Variants in SPOCD1 observed in about 807,000 individuals in gnomAD.
SPOCD1 encodes SPOC domain containing 1.
A neutral mutation model predicts 92.2 loss-of-function variants in SPOCD1; 64 were observed. That is an observed-to-expected ratio of 0.69 (90% CI 0.57 to 0.86). The LOEUF (loss-of-function observed/expected upper bound fraction) is 0.86. Among genes scored for constraint, SPOCD1 ranks in the 40% least tolerant of loss-of-function variants. The pLI, the probability that SPOCD1 is intolerant of heterozygous loss-of-function variation, is 0.00. For synonymous variants in SPOCD1, 578 were observed against 619.3 expected (o/e 0.93, Z 0.99); for missense variants, 1,360 against 1,543.1 (o/e 0.88, Z 1.99).
At chr1:31,799,103 G>A (rs148857094) in intron 7 of SPOCD1, among the ~76,000 whole-genome samples, 6 of 152,264 alleles carry the variant, frequency 3.9e-5, no homozygotes, top group Non-Finnish European at 8.8e-5. Context: ...TCTCTGAGCC[G>A]CTCCCAGCAC....
chr1:31,814,190 CA>C lies in SPOCD1; in HGVS notation c.1143del (p.Ala382ProfsTer44), dbSNP rs770365422. The C allele has an allele frequency of 6.4e-7, 1 of 1,571,432 alleles. No homozygotes were observed. Among genetic ancestry groups the C allele is most frequent in the Non-Finnish European group, 8.6e-7 (1 of 1,156,868 alleles). On this transcript the variant is annotated frameshift_variant, in exon 2 of 16. Transcript: ENST00000360482. LOFTEE classifies it high-confidence loss of function. This position sits in a 1 kb window ranked among gnomAD's most constrained non-coding sequence, Gnocchi z 4.2. ...ASRGRLEQGLAAPADTCASSR... is the reference protein window; with the variant it reads ...ASRGRLEQGLXAPADTCASSR... ...GAGCTGGCACAGGTGTCAGCGGGGG[CA>C]GCGAGTCCTTGCTCCAGCCTTCCCC...
chr1:31,808,157 C>T (rs914324733), intron 2 of SPOCD1, among the ~76,000 whole-genome samples: 1 of 151,844 alleles, frequency 6.6e-6, no homozygotes, highest in African/African-American at 2.4e-5. Flanking sequence ...CTAGCAAAAC[C>T]CTGATACCAA....
chr1:31,800,069 T>C lies in SPOCD1; in HGVS notation c.1675A>G (p.Arg559Gly). Residue 559 changes from arginine (R) to glycine (G), a missense_variant, in exon 5 of 16, where the codon AGA (arginine) becomes GGA (glycine). By Grantham distance (125) the Arg-to-Gly change is moderately radical. Coordinates refer to ENST00000360482, the MANE Select transcript of SPOCD1 (RefSeq NM_144569.7). ...GGLSDPFYPP[R>G]SGSLALGDPS... ...TCGCCAAGGGCCAGGGAACCGCTTC[T>C]TGGAGGGTAGAAGGGGTCAGAGAGG... 3.1e-6 allele frequency: 5 copies of C among 1,609,186 alleles called. No homozygotes were observed. Among genetic ancestry groups the C allele is most frequent in the Non-Finnish European group, 4.2e-6 (5 of 1,178,550 alleles).
At position 31,814,061 on chromosome 1, in the gene SPOCD1, G is replaced by A. The variant is rs749494518; in HGVS notation, c.1273C>T (p.Leu425=). 40 of 1,613,610 alleles carry A rather than the reference G, an allele frequency of 2.5e-5. No homozygotes were observed. Among genetic ancestry groups the A allele is most frequent in the Non-Finnish European group, 1.7e-6 (2 of 1,179,808 alleles). ...EQRRSKGTKN[L]KKGPVPCAQD... ...GCACAGGGCACTGGACCTTTCTTCA[G>A]GTTCTTAGTGCCCTTGGATCTTCTC... The change falls in exon 2 of 16, where the codon CTG becomes TTG. Residue 425 remains leucine, a synonymous_variant. Transcript: ENST00000360482. This position sits in a 1 kb window ranked among gnomAD's most constrained non-coding sequence, Gnocchi z 4.2.
rs555801507 is a variant in SPOCD1 at position 31,807,921 on chromosome 1, C to T, written c.1383+6030G>A. On this transcript the variant is annotated intron_variant, in intron 2 of 15. Coordinates refer to ENST00000360482, the MANE Select transcript of SPOCD1 (RefSeq NM_144569.7). ...CAAATAGATATCTAGAAAAGTATAA[C>T]TTACCAAAATTGATTCAAGAGAAAA... Among the ~76,000 whole-genome samples, 28 of 152,214 alleles carry T rather than the reference C, an allele frequency of 1.8e-4. No homozygotes were observed. The South Asian group carries it at 5.4e-3, about 29-fold the overall frequency.
chr1:31,804,697 T>C (rs1648695346), intron 2 of SPOCD1, among the ~76,000 whole-genome samples: 1 of 152,092 alleles, frequency 6.6e-6, no homozygotes, highest in African/African-American at 2.4e-5. Flanking sequence ...ATAGATAAGA[T>C]GAAAGGAAGA....
Position 31,797,191 on chromosome 1 carries a change from G to T in SPOCD1, c.2146-476C>A, listed in dbSNP as rs577891553. Among the ~76,000 whole-genome samples the T allele has an allele frequency of 4.6e-5, 7 of 152,326 alleles. No homozygotes were observed. The East Asian group carries it at 1.3e-3, about 29-fold the overall frequency. The stretch of plus-strand genomic sequence containing the variant: ...TATAGAGTGCTTAGCCTGGAACATG[G>T]CTCATAGTAAATGCTAGTTGTGAGT... On this transcript the variant is annotated intron_variant, in intron 9 of 15. Transcript: ENST00000360482.
In SPOCD1 at chr1:31,792,761, G is replaced by A; in HGVS notation, c.2692C>T (p.Pro898Ser). Residue 898 changes from proline to serine, a missense_variant, in exon 14 of 16, where the codon CCC becomes TCC. Physicochemically the swap from Pro to Ser is moderately conservative, Grantham distance 74. This residue lies in a region of SPOCD1 where 614 missense variants were observed against 757.8 expected (regional missense o/e 0.81). Transcript: ENST00000360482. ...CAGCCTGCCGAGCGGATCACGGTGGGCAGAGCCTAGGGGCAGGAAGGATGG... is the reference window on the plus strand; with the variant it reads ...CAGCCTGCCGAGCGGATCACGGTGGACAGAGCCTAGGGGCAGGAAGGATGG... Reference protein sequence around the residue: ...GHSCRLVQALPTVIRSAGCIP... With the variant: ...GHSCRLVQALSTVIRSAGCIP... 1 of 1,602,768 alleles carries A rather than the reference G, an allele frequency of 6.2e-7. No homozygotes were observed. Among genetic ancestry groups the A allele is most frequent in the Non-Finnish European group, 8.5e-7 (1 of 1,175,178 alleles).
At chr1:31,807,745 T>C (rs547886211) in intron 2 of SPOCD1, among the ~76,000 whole-genome samples, 7 of 151,866 alleles carry the variant, frequency 4.6e-5, no homozygotes, top group Non-Finnish European at 1.0e-4. Context: ...AAACTGACAA[T>C]TGTCTGACAA....
chr1:31,795,547 TG>T (rs1158735693), intron 10 of SPOCD1: 2 of 148,866 alleles, frequency 1.3e-5, no homozygotes, highest in African/African-American at 4.9e-5. Flanking sequence ...TCTTCCTCTC[TG>T]GGGCTATCTA....
At chr1:31,802,065 G>A (rs1648506475) in intron 2 of SPOCD1, among the ~76,000 whole-genome samples, 1 of 152,176 alleles carries the variant, frequency 6.6e-6, no homozygotes, top group African/African-American at 2.4e-5. Flanking sequence ...CTACTCGGGA[G>A]GCTGAGGCAG....
intron 2 of SPOCD1, among the ~76,000 whole-genome samples, chr1:31,803,322 C>T (rs1267400978): frequency 6.6e-6 from 1 of 151,698 alleles, no homozygotes; most frequent in Non-Finnish European, 1.5e-5. Context: ...AAAAATATAA[C>T]GATCTTAATT....
intron 2 of SPOCD1, among the ~76,000 whole-genome samples, chr1:31,806,633 C>T (rs1024081582): frequency 2.0e-5 from 3 of 151,270 alleles, no homozygotes; most frequent in African/African-American, 7.4e-5. Context: ...GCAGTCTCCG[C>T]CCCCGAGGTT....
chr1:31,793,655 C>T (rs1044554638), intron 12 of SPOCD1, 92 bp downstream of exon 12: 16 of 1,603,998 alleles, frequency 1.0e-5, no homozygotes, highest in Admixed American at 1.7e-5. Context: ...CAAGGCCACA[C>T]AGGAAAAGCC....
rs1647825005 is a variant in SPOCD1 at position 31,794,164 on chromosome 1, A to G, written c.2343T>C (p.His781=). The change falls in exon 11 of 16, where the codon CAT becomes CAC. Residue 781 remains histidine (H), a synonymous_variant. Transcript: ENST00000360482. ...PIASEDTTGQ[H]DHHFLDPNCH... ...AGTTGGGGTCTAAGAAGTGGTGGTC[A>G]TGCTGCCCCGTGGTGTCCTCTGATG... The G allele has an allele frequency of 2.5e-6, 4 of 1,613,946 alleles. No individual in the cohort carries two copies. Among genetic ancestry groups the G allele is most frequent in the African/African-American group, 2.7e-5 (2 of 75,018 alleles).
rs1647814358 is a variant in SPOCD1, at chr1:31,794,054, TTGC to T, written c.2383+67_2383+69del. The T allele has an allele frequency of 1.5e-5, 23 of 1,543,512 alleles. No homozygotes were observed. In the South Asian group the frequency reaches 2.4e-4, roughly 16 times the overall value. ...CCTCTCCCCAGGCCACAAATCCCTG[TTGC>T]TGCTGAACTGCACGCTCAGCCCCAG... On this transcript the variant is annotated intron_variant, in intron 11 of 15. Coordinates refer to ENST00000360482, the MANE Select transcript of SPOCD1 (RefSeq NM_144569.7).
chr1:31,814,770 C>G lies in SPOCD1; in HGVS notation c.564G>C (p.Glu188Asp). 6.2e-7 allele frequency: 1 copy of G among 1,613,594 alleles called. No homozygotes were observed. The highest frequency in any genetic ancestry group is 8.5e-7 in the Non-Finnish European group (1 of 1,179,798). The change falls in exon 2 of 16, where the codon GAG becomes GAC. Residue 188 changes from glutamate (E) to aspartate (D), a missense_variant. Transcript: ENST00000360482. This position sits in a 1 kb window ranked among gnomAD's most constrained non-coding sequence, Gnocchi z 4.2. ...AGGATGTCAGGGGCCTTCCAGGGGGCTCCTCTTTGCTGAGTGTGGGGCTTC... is the reference window on the plus strand; with the variant it reads ...AGGATGTCAGGGGCCTTCCAGGGGGGTCCTCTTTGCTGAGTGTGGGGCTTC... ...DRRSPTLSKE[E>D]PPGRPLTSSP...
intron 2 of SPOCD1, among the ~76,000 whole-genome samples, chr1:31,811,331 C>T (rs1649182776): frequency 6.6e-6 from 1 of 152,032 alleles, no homozygotes; most frequent in Non-Finnish European, 1.5e-5. Context: ...ATTAGCCGGG[C>T]ATGGTGGCCC....
chr1:31,802,408 A>T (rs192439793), intron 2 of SPOCD1, among the ~76,000 whole-genome samples: 9 of 152,286 alleles, frequency 5.9e-5, no homozygotes, highest in African/African-American at 1.7e-4. Context: ...CTCCAAGAGG[A>T]TCTGAAAAGT....
Sources: allele counts gnomAD v4.1 joint callset (sites outside exome capture counted in the v4.1 genomes callset), GRCh38; gene constraint gnomAD v4.1.1; regional missense constraint gnomAD v4.1.1; non-coding constraint Gnocchi (gnomAD v3.1); transcripts MANE v1.5; gene names NCBI Gene and HGNC (gene_info 2026-07-23, HGNC 2026-07-21).